ADCY2: variants seen among roughly 807,000 people sequenced by gnomAD.
ADCY2 encodes the protein adenylate cyclase type 2.
ADCY2 carries 31 observed loss-of-function variants against 125.2 expected under a neutral mutation model. The ratio of observed to expected loss-of-function variants is 0.25; its 90% CI spans 0.19 to 0.33. ADCY2 has a LOEUF of 0.33. Among genes scored for constraint, ADCY2 ranks in the 10% least tolerant of loss-of-function variants. ADCY2 has a pLI of 1.00. For missense variants in ADCY2, 904 were observed against 1,418.2 expected, an observed-to-expected ratio of 0.64 and a Z score of 5.82; for synonymous variants, 512 against 548.4, an observed-to-expected ratio of 0.93 and a Z score of 0.93.
At chr5:7,513,106 C>CACAGAG (rs777343291) in intron 2 of ADCY2, among the ~76,000 whole-genome samples, 207 of 138,516 alleles carry the variant, frequency 1.5e-3, no homozygotes, top group East Asian at 3.6e-3. Flanking sequence ...CACACACACA[C>CACAGAG]AGAGAGAGAG....
Position 7,757,531 on chromosome 5 carries a change from T to C in ADCY2, c.2039T>C (p.Ile680Thr). The change falls in exon 16 of 25, where the codon ATC (isoleucine) becomes ACC (threonine). Residue 680 changes from isoleucine (I) to threonine (T), a missense_variant. This residue lies in a region of ADCY2 where 221 missense variants were observed against 246.2 expected (regional missense o/e 0.90). Transcript: ENST00000338316. Reference protein sequence around the residue: ...GIIANRPWPRISLTIITTAII... With the variant: ...GIIANRPWPRTSLTIITTAII... ...ATTGCCAACCGCCCCTGGCCACGGA[T>C]CTCTCTCACGATCATCACCACAGCC... 6.2e-7 allele frequency: 1 copy of C among 1,614,002 alleles called. No homozygotes were observed. The highest frequency in any genetic ancestry group is 8.5e-7 in the Non-Finnish European group (1 of 1,179,996).
intron 4 of ADCY2, among the ~76,000 whole-genome samples, chr5:7,628,531 C>T (rs550774717): frequency 6.6e-6 from 1 of 152,206 alleles, no homozygotes; most frequent in East Asian, 1.9e-4. Context: ...ATTAGAAAGA[C>T]ATGCATCTAC....
chr5:7,591,629 T>G (rs1297523079), intron 3 of ADCY2, among the ~76,000 whole-genome samples: 1 of 152,172 alleles, frequency 6.6e-6, no homozygotes, highest in African/African-American at 2.4e-5. Flanking sequence ...TAATACTCTC[T>G]CTAGGGCTAG....
chr5:7,647,353 G>A (rs548631158), intron 4 of ADCY2, among the ~76,000 whole-genome samples: 101 of 152,196 alleles, frequency 6.6e-4, no homozygotes, highest in African/African-American at 2.3e-3. Context: ...AGCAGGCCAC[G>A]TAAGCAATGA....
At position 7,744,390 on chromosome 5, in the gene ADCY2, T is replaced by TA. The variant is rs1266095887; in HGVS notation, c.1956+648dup. On this transcript the variant is annotated intron_variant, in intron 15 of 24. Transcript: ENST00000338316. ...GTATCCCAGAACTTAAAGTAAAATT[T>TA]AAAAAAAAAAGTAAACCTAATACAT... 1.9e-3 allele frequency among the ~76,000 whole-genome samples: 291 copies of TA among 149,582 alleles called. 2 individuals carry two copies. Among genetic ancestry groups the TA allele is most frequent in the African/African-American group, 6.6e-3 (270 of 41,006 alleles).
At chr5:7,750,347 T>C (rs536945110) in intron 15 of ADCY2, among the ~76,000 whole-genome samples, 1 of 152,338 alleles carries the variant, frequency 6.6e-6, no homozygotes, top group South Asian at 2.1e-4. Context: ...CTCCACTTTC[T>C]TGTTGAACAA....
chr5:7,497,106 T>G (rs567947529), intron 2 of ADCY2, among the ~76,000 whole-genome samples: 1 of 152,208 alleles, frequency 6.6e-6, no homozygotes, highest in African/African-American at 2.4e-5. Flanking sequence ...TTCCCACTTA[T>G]GAAGATGCAA....
At chr5:7,583,825 G>T (rs1436183183) in intron 3 of ADCY2, among the ~76,000 whole-genome samples, 1 of 152,090 alleles carries the variant, frequency 6.6e-6, no homozygotes, top group African/African-American at 2.4e-5. Flanking sequence ...GGGAACAGCT[G>T]AAGTGTCCAG....
intron 4 of ADCY2, among the ~76,000 whole-genome samples, chr5:7,652,411 C>T (rs766647987): frequency 9.2e-5 from 14 of 152,106 alleles, no homozygotes; most frequent in Non-Finnish European, 1.9e-4. Flanking sequence ...AAGTGTCAAC[C>T]GTAAAATACT....
chr5:7,540,351 G>C (rs1734955401), intron 3 of ADCY2, among the ~76,000 whole-genome samples: 1 of 151,850 alleles, frequency 6.6e-6, no homozygotes, highest in African/African-American at 2.4e-5. Flanking sequence ...TTGAGTCTCA[G>C]AATAAGCTCA....
At chr5:7,406,409 C>A (rs1259559605) in intron 1 of ADCY2, among the ~76,000 whole-genome samples, 1 of 152,164 alleles carries the variant, frequency 6.6e-6, no homozygotes, top group African/African-American at 2.4e-5. Flanking sequence ...CCTAGGATAA[C>A]CACAGTAAAC....
chr5:7,626,424 C>T (rs1579249601), intron 4 of ADCY2, 108 bp downstream of exon 4: 1 of 1,310,256 alleles, frequency 7.6e-7, no homozygotes, highest in Non-Finnish European at 1.0e-6. Flanking sequence ...TCAGAAAAAT[C>T]AGAGAAGAAA....
intron 3 of ADCY2, among the ~76,000 whole-genome samples, chr5:7,614,176 A>G (rs1278053228): frequency 6.6e-6 from 1 of 152,234 alleles, no homozygotes; most frequent in African/African-American, 2.4e-5. Flanking sequence ...CCCAGATCAC[A>G]ATGAACAGAA....
intron 4 of ADCY2, among the ~76,000 whole-genome samples, chr5:7,633,009 G>A (rs559825809): frequency 2.0e-5 from 3 of 152,212 alleles, no homozygotes; most frequent in East Asian, 1.9e-4. Flanking sequence ...AGATCCAGGG[G>A]GAGGATGAAG....
intron 2 of ADCY2, among the ~76,000 whole-genome samples, chr5:7,472,203 A>G (rs1047739218): frequency 6.6e-6 from 1 of 152,048 alleles, no homozygotes; most frequent in African/African-American, 2.4e-5. Context: ...GCAATGTTCT[A>G]TTTGTTTTTC....
intron 3 of ADCY2, among the ~76,000 whole-genome samples, chr5:7,600,498 G>A (rs1263449431): frequency 6.6e-6 from 1 of 152,190 alleles, no homozygotes; most frequent in Non-Finnish European, 1.5e-5. Flanking sequence ...CTGAGACAGG[G>A]GAGACTGGAG....
intron 2 of ADCY2, among the ~76,000 whole-genome samples, chr5:7,507,419 C>T (rs1167211378): frequency 1.1e-4 from 11 of 104,226 alleles, no homozygotes; most frequent in African/African-American, 3.6e-4. Flanking sequence ...CCAGCCTGGG[C>T]GACAGAGCGA....
chr5:7,566,485 A>C (rs2126594370), intron 3 of ADCY2, among the ~76,000 whole-genome samples: 1 of 152,252 alleles, frequency 6.6e-6, no homozygotes, highest in South Asian at 2.1e-4. Flanking sequence ...GACAGAGCTA[A>C]GAACCTGTCT....
At chr5:7,417,448 T>C (rs1384331951) in intron 2 of ADCY2, among the ~76,000 whole-genome samples, 2 of 152,210 alleles carry the variant, frequency 1.3e-5, no homozygotes, top group African/African-American at 4.8e-5. Context: ...TATTCTGATG[T>C]AGTATTTTGT....
Sources: gnomAD v4.1 joint callset for allele counts (sites outside exome capture counted in the v4.1 genomes callset) on GRCh38, gnomAD v4.1.1 for gene constraint, gnomAD v4.1.1 regional missense constraint, MANE v1.5 for transcripts, NCBI Gene and HGNC (gene_info 2026-07-23, HGNC 2026-07-21) for gene names.